SKP2: variants seen among roughly 807,000 people sequenced by gnomAD.
SKP2 encodes the protein S-phase kinase associated protein 2, also known as S-phase kinase-associated protein 2.
SKP2 carries 16 observed loss-of-function variants against 51.8 expected under a neutral mutation model. That is an observed-to-expected ratio of 0.31 (90% CI 0.21 to 0.47). SKP2 has a LOEUF of 0.47. Among genes scored for constraint, SKP2 ranks in the 20% least tolerant of loss-of-function variants. SKP2 has a pLI of 1.00. For synonymous variants in SKP2, 176 were observed against 198.6 expected (o/e 0.89, Z 0.96); for missense variants, 377 against 505.3 (o/e 0.75, Z 2.43).
At chr5:36,171,135 T>A (rs761166357) in intron 6 of SKP2, among the ~76,000 whole-genome samples, 4 of 152,202 alleles carry the variant, frequency 2.6e-5, no homozygotes, top group Non-Finnish European at 5.9e-5. Flanking sequence ...TTGTATTTTG[T>A]CTCTGAAACC....
intron 9 of SKP2, among the ~76,000 whole-genome samples, chr5:36,178,853 G>A (rs929350556): frequency 6.6e-6 from 1 of 152,084 alleles, no homozygotes; most frequent in Non-Finnish European, 1.5e-5. Flanking sequence ...GCGAGGGGAA[G>A]GCTGTGAGCT....
intron 2 of SKP2, among the ~76,000 whole-genome samples, chr5:36,157,833 GTTCTGAGAAATAAATGAGTGGAGTGATA>G (rs1028742907): frequency 1.3e-5 from 2 of 152,196 alleles, no homozygotes; most frequent in Admixed American, 6.5e-5. Context: ...GTGGAGTGAT[GTTCTGAGAAATAAATGAGTGGAGTGATA>G]TTCTGAGAAA....
At chr5:36,161,068 A>G (rs1002953000) in intron 2 of SKP2, among the ~76,000 whole-genome samples, 2 of 152,082 alleles carry the variant, frequency 1.3e-5, no homozygotes, top group African/African-American at 4.8e-5. Context: ...CATAAGCTGC[A>G]CAGCACCCCG....
chr5:36,163,591 A>T, intron 2 of SKP2, 54 bp from the exon 3 acceptor site: 1 of 1,080,232 alleles, frequency 9.3e-7, no homozygotes, highest in Non-Finnish European at 1.4e-6. Flanking sequence ...AAGACTCAGT[A>T]GACTTGATAG....
At chr5:36,168,146 T>A (rs559510820) in intron 4 of SKP2, among the ~76,000 whole-genome samples, 167 bp from the exon 5 acceptor site, 17 of 152,376 alleles carry the variant, frequency 1.1e-4, no homozygotes, top group Non-Finnish European at 2.5e-4. Flanking sequence ...AAGATGGGAA[T>A]ACACTAGTAG....
chr5:36,186,904 A>G (rs1326056944), downstream of SKP2, among the ~76,000 whole-genome samples: 1 of 152,190 alleles, frequency 6.6e-6, no homozygotes, highest in Non-Finnish European at 1.5e-5. Context: ...GCTATTAATT[A>G]TTGCCTCAGT....
downstream of SKP2, among the ~76,000 whole-genome samples, chr5:36,189,247 G>C (rs1014428080): frequency 6.6e-6 from 1 of 152,184 alleles, no homozygotes; most frequent in Non-Finnish European, 1.5e-5. Context: ...TCTCCATCCA[G>C]CTTTGTCCAT....
At position 36,152,961 on chromosome 5, in the gene SKP2, C is replaced by T. The variant is rs1362054717; in HGVS notation, c.199C>T (p.Arg67Trp). Residue 67 changes from arginine (R) to tryptophan (W), a missense_variant, in exon 2 of 10, where the codon CGG (arginine) becomes TGG (tryptophan). Physicochemically the swap from Arg to Trp is moderately radical, Grantham distance 101. Transcript: ENST00000274255. The part of the protein sequence containing the change: ...SNLGHPESPP[R>W]KRLKSKGSDK... ...CCTGGGCCACCCGGAGAGCCCCCCA[C>T]GGAAACGGCTGAAGAGCAAAGGGAG... is the stretch of plus-strand genomic sequence containing the variant. 5 of 1,613,972 alleles carry T rather than the reference C, an allele frequency of 3.1e-6. No individual in the cohort carries two copies. In the African/African-American group the frequency reaches 6.7e-5, roughly 22 times the overall value.
intron 8 of SKP2, 56 bp from the exon 9 acceptor site, chr5:36,177,129 C>G (rs570887635): frequency 7.5e-7 from 1 of 1,339,508 alleles, no homozygotes; most frequent in East Asian, 2.3e-5. Context: ...TTTCTGTCTT[C>G]TTTATCTAGG....
chr5:36,154,811 G>C (rs962481114), intron 2 of SKP2, among the ~76,000 whole-genome samples: 12 of 152,176 alleles, frequency 7.9e-5, no homozygotes, highest in Non-Finnish European at 1.3e-4. Context: ...AAAGTGCTGG[G>C]ATTACAGGCA....
rs1335425826 is a variant in SKP2, at chr5:36,152,752, G to T, written c.9-19G>T. On this transcript the variant is annotated intron_variant, in intron 1 of 9. Coordinates refer to ENST00000274255, the MANE Select transcript of SKP2 (RefSeq NM_005983.4). ...GGTGTGTTTTCGAAAGGAACCGGGGGTATTGTGCACTTCTGCAGGAAGCAC... is the reference window on the plus strand; with the variant it reads ...GGTGTGTTTTCGAAAGGAACCGGGGTTATTGTGCACTTCTGCAGGAAGCAC... 6 of 1,609,444 alleles carry T rather than the reference G, an allele frequency of 3.7e-6. No homozygotes were observed. Among genetic ancestry groups the T allele is most frequent in the Admixed American group, 1.7e-5 (1 of 59,838 alleles).
chr5:36,174,928 G>A (rs995732321), intron 7 of SKP2, among the ~76,000 whole-genome samples: 2 of 152,132 alleles, frequency 1.3e-5, no homozygotes, highest in African/African-American at 2.4e-5. Flanking sequence ...ATGGCCAAGG[G>A]CTGTCTAAGC....
In SKP2 at chr5:36,163,986, G is replaced by A. The variant is rs563278279; in HGVS notation, c.392+230G>A. Among the ~76,000 whole-genome samples the A allele has an allele frequency of 4.9e-4, 74 of 152,304 alleles. No individual in the cohort carries two copies. In the South Asian group the frequency reaches 0.015, roughly 31 times the overall value. On this transcript the variant is annotated intron_variant, in intron 3 of 9. Transcript: ENST00000274255. ...GAAACCTCTTTGCCCTGTATTCAGT[G>A]CAGCATGTGTTTATGGGATGCTGAC... is the stretch of plus-strand genomic sequence containing the variant.
At chr5:36,190,683 C>CAAAAAAAAAA (rs70973094) in intron 6 of SKP2, among the ~76,000 whole-genome samples, 68 of 81,168 alleles carry the variant, frequency 8.4e-4, no homozygotes, top group African/African-American at 1.6e-3. Context: ...CAAACATATG[C>CAAAAAAAAAA]AAAAAAAAAA....
At position 36,152,116 on chromosome 5, in the gene SKP2, G is replaced by A; in HGVS notation, c.-147G>A. On this transcript the variant is annotated 5_prime_UTR_variant, in exon 1 of 10. Transcript: ENST00000274255. ...CTGTAGAGCCTTGCGCGCGCAGTGG[G>A]GATGGAACGTTGCTAGGCTTAGCGG... 1 of 781,564 alleles carries A rather than the reference G, an allele frequency of 1.3e-6. No homozygotes were observed. The highest frequency in any genetic ancestry group is 2.5e-5 in the East Asian group (1 of 40,058). 48.4% of individuals were successfully genotyped at this position (781,564 alleles called of 1,614,324 possible). A position where few individuals can be genotyped will look rare whatever the true frequency, so the allele number is the denominator to read the frequency against.
chr5:36,181,780 G>T (rs767569817), intron 9 of SKP2, 38 bp from the exon 10 acceptor site: 5 of 1,610,438 alleles, frequency 3.1e-6, no homozygotes, highest in Non-Finnish European at 4.2e-6. Context: ...AGTTTCCATA[G>T]ATACTGCTAT....
At position 36,152,942 on chromosome 5, in the gene SKP2, C is replaced by T. The variant is rs143779921; in HGVS notation, c.180C>T (p.Gly60=). Residue 60 remains glycine (G), a synonymous_variant, in exon 2 of 10, where the codon GGC becomes GGT. Transcript: ENST00000274255. ...CCCAGGAACTGCTCTCAAACCTGGGCCACCCGGAGAGCCCCCCACGGAAAC... is the reference window on the plus strand; with the variant it reads ...CCCAGGAACTGCTCTCAAACCTGGGTCACCCGGAGAGCCCCCCACGGAAAC... ...NIPQELLSNL[G]HPESPPRKRL... 1.1e-4 allele frequency: 178 copies of T among 1,614,094 alleles called. No homozygotes were observed. In the African/African-American group the frequency reaches 2.1e-3, roughly 19 times the overall value.
Position 36,152,855 on chromosome 5 carries a change from A to G in SKP2, c.93A>G (p.Glu31=). Residue 31 remains glutamate (E), a synonymous_variant, in exon 2 of 10, where the codon GAA becomes GAG. Transcript: ENST00000274255. ...TWGWDSSKTS[E]LLSGMGVSAL... ...GATGGGATTCCAGCAAGACTTCTGA[A>G]CTGCTGTCAGGCATGGGGGTCTCCG... 2 of 1,614,102 alleles carry G rather than the reference A, an allele frequency of 1.2e-6. No individual in the cohort carries two copies. Among genetic ancestry groups the G allele is most frequent in the South Asian group, 1.1e-5 (1 of 91,070 alleles).
At chr5:36,155,970 T>C (rs1744932914) in intron 2 of SKP2, among the ~76,000 whole-genome samples, 1 of 152,178 alleles carries the variant, frequency 6.6e-6, no homozygotes, top group African/African-American at 2.4e-5. Context: ...TGGAAGATCT[T>C]CCTCCTTCCA....
Sources: gnomAD v4.1 joint callset for allele counts (sites outside exome capture counted in the v4.1 genomes callset) on GRCh38, gnomAD v4.1.1 for gene constraint, MANE v1.5 for transcripts, NCBI Gene and HGNC (gene_info 2026-07-23, HGNC 2026-07-21) for gene names.